Variants in ZNF609 observed in about 807,000 individuals in gnomAD.
The protein encoded by ZNF609 is zinc finger protein 609.
In ZNF609, 11 loss-of-function variants were observed where a neutral mutation model predicts 109.5. The ratio of observed to expected loss-of-function variants is 0.10; its 90% CI spans 0.06 to 0.17. ZNF609 has a LOEUF of 0.17. ZNF609 is among the 10% of genes least tolerant of loss of function. The probability of loss-of-function intolerance (pLI) is 1.00; values close to 1 mark genes in which losing one functional copy is unlikely to be tolerated. For synonymous variants in ZNF609, 646 were observed against 662.0 expected (o/e 0.98, Z 0.37); for missense variants, 1,559 against 1,772.4 (o/e 0.88, Z 2.16).
chr15:64,556,454 C>G (rs1894588680), intron 2 of ZNF609, among the ~76,000 whole-genome samples: 1 of 151,612 alleles, frequency 6.6e-6, no homozygotes, highest in African/African-American at 2.4e-5. Flanking sequence ...TAAATGCCAG[C>G]CATTATTCTA....
At chr15:64,602,688 C>T (rs1439274134) in intron 2 of ZNF609, among the ~76,000 whole-genome samples, 2 of 148,972 alleles carry the variant, frequency 1.3e-5, no homozygotes, top group African/African-American at 4.9e-5. Flanking sequence ...CTTCTATTAA[C>T]TACTGCCCTG....
chr15:64,551,139 C>T lies in ZNF609; in HGVS notation c.747+50973C>T, dbSNP rs79932552. ...CTCACTATGTTGCCCAGGCTGGACTCACAACTCCTAGGCTCAAGCAGTACT... is the reference window on the plus strand; with the variant it reads ...CTCACTATGTTGCCCAGGCTGGACTTACAACTCCTAGGCTCAAGCAGTACT... On this transcript the variant is annotated intron_variant, in intron 2 of 9. Coordinates refer to ENST00000326648, the MANE Select transcript of ZNF609 (RefSeq NM_015042.2). Among the ~76,000 whole-genome samples, 164 of 152,046 alleles carry T rather than the reference C, an allele frequency of 1.1e-3. 3 individuals carry two copies. In the East Asian group the frequency reaches 0.029, roughly 27 times the overall value.
chr15:64,596,696 C>T (rs553080186), intron 2 of ZNF609, among the ~76,000 whole-genome samples: 2 of 152,294 alleles, frequency 1.3e-5, no homozygotes, highest in South Asian at 2.1e-4. Context: ...ACTTACCAGT[C>T]CCTTTCGTTT....
At chr15:64,606,626 G>A (rs956882111) in intron 2 of ZNF609, among the ~76,000 whole-genome samples, 5 of 151,220 alleles carry the variant, frequency 3.3e-5, no homozygotes, top group African/African-American at 1.2e-4. Flanking sequence ...CCCCAGGCTA[G>A]CCTCAAATTC....
chr15:64,631,093 AT>A, intron 3 of ZNF609: 1 of 461,382 alleles, frequency 2.2e-6, no homozygotes, highest in Admixed American at 3.1e-5. Context: ...GAGGTCTTTT[AT>A]TTTTTTAACA....
At chr15:64,617,678 G>C (rs1048122138) in intron 2 of ZNF609, among the ~76,000 whole-genome samples, 1 of 152,198 alleles carries the variant, frequency 6.6e-6, no homozygotes, top group Non-Finnish European at 1.5e-5. Context: ...TACTTGGGAG[G>C]CTGAGGTAGG....
At chr15:64,559,457 T>G (rs1276797979) in intron 2 of ZNF609, among the ~76,000 whole-genome samples, 1 of 152,162 alleles carries the variant, frequency 6.6e-6, no homozygotes, top group Non-Finnish European at 1.5e-5. Context: ...GGTAGCCAAG[T>G]TGGAATCTGA....
At position 64,470,320 on chromosome 15, in the gene ZNF609, T is replaced by G. The variant is rs1893075517; in HGVS notation, c.-128+9482T>G. 1.3e-5 allele frequency: 2 copies of G among 152,098 alleles called. 1 individual carries two copies. The highest frequency in any genetic ancestry group is 4.1e-4 in the South Asian group (2 of 4,830). The allele number at this position is 152,098 out of a possible 1,614,324, so 9.4% of individuals were successfully genotyped here. On this transcript the variant is annotated intron_variant, in intron 1 of 9. Coordinates refer to ENST00000326648, the MANE Select transcript of ZNF609 (RefSeq NM_015042.2). ...GCTTCAGCCTCCCAAAGTGGTGGGA[T>G]TACAGGTTTGAGCCACTGCACCCAG...
chr15:64,602,403 C>T (rs1037103616), intron 2 of ZNF609, among the ~76,000 whole-genome samples: 7 of 152,052 alleles, frequency 4.6e-5, no homozygotes, highest in Non-Finnish European at 1.0e-4. Flanking sequence ...TCTTTAAAAG[C>T]AGGTTACTAG....
At chr15:64,615,284 A>C (rs1895781976) in intron 2 of ZNF609, among the ~76,000 whole-genome samples, 1 of 151,856 alleles carries the variant, frequency 6.6e-6, no homozygotes, top group East Asian at 1.9e-4. Flanking sequence ...CTAGGACTAC[A>C]GGTACACACC....
intron 3 of ZNF609, among the ~76,000 whole-genome samples, chr15:64,664,026 G>A (rs1381587211): frequency 1.3e-5 from 2 of 152,090 alleles, no homozygotes; most frequent in Non-Finnish European, 2.9e-5. Context: ...GCAGGACTTC[G>A]AGACCAGCCT....
In ZNF609 at chr15:64,633,075, C is replaced by T. The variant is rs539352495; in HGVS notation, c.973+10023C>T. Reference sequence around the variant, plus strand: ...CTGCGATTACAAGTGTGAGCCATCACACCTGGTCCATAAATAAAGTATTGT... The same window carrying T: ...CTGCGATTACAAGTGTGAGCCATCATACCTGGTCCATAAATAAAGTATTGT... On this transcript the variant is annotated intron_variant, in intron 3 of 9. Coordinates refer to ENST00000326648, the MANE Select transcript of ZNF609 (RefSeq NM_015042.2). 2.0e-5 allele frequency among the ~76,000 whole-genome samples: 3 copies of T among 152,114 alleles called. No homozygotes were observed. The East Asian group carries it at 5.8e-4, about 29-fold the overall frequency.
chr15:64,680,316 A>G lies in ZNF609; in HGVS notation c.3901A>G (p.Ile1301Val). The G allele has an allele frequency of 6.2e-7, 1 of 1,614,234 alleles. No homozygotes were observed. Among genetic ancestry groups the G allele is most frequent in the Non-Finnish European group, 8.5e-7 (1 of 1,180,044 alleles). ...KSSSESKALD[I>V]LQQHASHYKS... ...CAGCTCAGAGTCCAAAGCCCTGGACATCTTGCAGCAGCATGCCAGTCACTA... is the reference window on the plus strand; with the variant it reads ...CAGCTCAGAGTCCAAAGCCCTGGACGTCTTGCAGCAGCATGCCAGTCACTA... The change falls in exon 7 of 10, where the codon ATC (isoleucine) becomes GTC (valine). Residue 1301 changes from isoleucine (I) to valine (V), a missense_variant. Ile to Val is a conservative substitution (Grantham distance 29). Coordinates refer to ENST00000326648, the MANE Select transcript of ZNF609 (RefSeq NM_015042.2).
intron 2 of ZNF609, among the ~76,000 whole-genome samples, chr15:64,531,644 A>C (rs1365796584): frequency 1.3e-5 from 2 of 151,952 alleles, no homozygotes; most frequent in Admixed American, 6.6e-5. Context: ...AGAACTTCCC[A>C]CCTCAGCCTC....
At chr15:64,617,727 C>G (rs997073820) in intron 2 of ZNF609, among the ~76,000 whole-genome samples, 1 of 152,006 alleles carries the variant, frequency 6.6e-6, no homozygotes, top group Non-Finnish European at 1.5e-5. Context: ...TTGTAGTGAG[C>G]TGAGATCACG....
chr15:64,558,538 A>G (rs765512064), intron 2 of ZNF609, among the ~76,000 whole-genome samples: 16 of 152,194 alleles, frequency 1.1e-4, no homozygotes, highest in Non-Finnish European at 2.2e-4. Flanking sequence ...TAGAGTTTAT[A>G]TCTTCCTTCT....
rs76467449 is a variant in ZNF609 at position 64,546,243 on chromosome 15, T to C, written c.747+46077T>C. On this transcript the variant is annotated intron_variant, in intron 2 of 9. Transcript: ENST00000326648. ...AGGAGTACATCTCTCATTGTGATTT[T>C]AATTTTTCTTTTTTGCTTTGAGACA... Among the ~76,000 whole-genome samples, 1,329 of 152,228 alleles carry C rather than the reference T, an allele frequency of 8.7e-3. 23 individuals carry two copies. Among genetic ancestry groups the C allele is most frequent in the African/African-American group, 0.031 (1,275 of 41,540 alleles).
chr15:64,502,449 A>G (rs775672060), intron 2 of ZNF609: 12 of 152,212 alleles, frequency 7.9e-5, no homozygotes, highest in Non-Finnish European at 1.5e-4. Context: ...TTGAGAAACA[A>G]CAATCTCCGG....
chr15:64,667,451 G>A (rs1385178743), intron 3 of ZNF609, among the ~76,000 whole-genome samples: 1 of 152,184 alleles, frequency 6.6e-6, no homozygotes. Flanking sequence ...GCTAACACCT[G>A]TAATCCCAAC....
Sources: allele counts gnomAD v4.1 joint callset (sites outside exome capture counted in the v4.1 genomes callset), GRCh38; gene constraint gnomAD v4.1.1; transcripts MANE v1.5; gene names NCBI Gene and HGNC (gene_info 2026-07-23, HGNC 2026-07-21).